Variants in LRRK2 observed in about 807,000 individuals in gnomAD.
LRRK2 encodes the protein leucine rich repeat kinase 2.
Under a neutral mutation model 302.6 loss-of-function variants are expected in LRRK2, and 203 were observed. That is an observed-to-expected ratio of 0.67 (90% CI 0.60 to 0.75). The LOEUF is 0.75. LRRK2 is among the 30% of genes least tolerant of loss of function. The probability of loss-of-function intolerance (pLI) is 0.00; values close to 1 mark genes in which losing one functional copy is unlikely to be tolerated. For synonymous variants in LRRK2, 1,066 were observed against 1,031.9 expected (o/e 1.03, Z -0.63); for missense variants, 2,830 against 2,951.0 (o/e 0.96, Z 0.95).
At chr12:40,329,783 A>T (rs1350746079) in intron 39 of LRRK2, among the ~76,000 whole-genome samples, 1 of 152,198 alleles carries the variant, frequency 6.6e-6, no homozygotes, top group African/African-American at 2.4e-5. Context: ...TAGGTTGACC[A>T]GGCTGGTCTG....
chr12:40,241,776 G>A (rs1941731399), intron 6 of LRRK2, among the ~76,000 whole-genome samples: 1 of 152,170 alleles, frequency 6.6e-6, no homozygotes, highest in Non-Finnish European at 1.5e-5. Flanking sequence ...GTGAGCCTTC[G>A]GTGTAGGCAG....
intron 14 of LRRK2, among the ~76,000 whole-genome samples, chr12:40,265,631 A>G (rs1288691821): frequency 6.6e-6 from 1 of 152,200 alleles, no homozygotes; most frequent in Non-Finnish European, 1.5e-5. Flanking sequence ...CGCATGTCTC[A>G]TAAGTATCTG....
At chr12:40,304,368 A>T (rs1218338732) in intron 27 of LRRK2, 1 of 579,548 alleles carries the variant, frequency 1.7e-6, no homozygotes, top group African/African-American at 1.9e-5. Context: ...CAATTTAAAA[A>T]AATCTACTTT....
chr12:40,247,326 G>A (rs1349114946), intron 7 of LRRK2, among the ~76,000 whole-genome samples: 3 of 151,466 alleles, frequency 2.0e-5, no homozygotes, highest in African/African-American at 7.2e-5. Flanking sequence ...ATTGAATGTT[G>A]TTATATGACT....
intron 4 of LRRK2, among the ~76,000 whole-genome samples, chr12:40,237,637 CTG>C (rs1333679262): frequency 6.6e-6 from 1 of 152,076 alleles, no homozygotes; most frequent in Admixed American, 6.6e-5. Flanking sequence ...TTTGGGGTAA[CTG>C]TGGAATATTC....
chr12:40,259,368 T>G (rs1323449171), intron 12 of LRRK2, 112 bp from the exon 13 acceptor site: 21 of 1,331,486 alleles, frequency 1.6e-5, no homozygotes, highest in East Asian at 2.3e-5. Context: ...TTTCATATAG[T>G]CTTTCCTGAT....
intron 7 of LRRK2, among the ~76,000 whole-genome samples, chr12:40,244,647 C>A (rs187195937): frequency 4.8e-5 from 7 of 145,964 alleles, no homozygotes; most frequent in Non-Finnish European, 1.0e-4. Context: ...AAAACCGATT[C>A]ATAGATTCTG....
chr12:40,246,432 CTT>C (rs978445584), intron 7 of LRRK2, among the ~76,000 whole-genome samples: 5 of 151,960 alleles, frequency 3.3e-5, no homozygotes, highest in African/African-American at 1.2e-4. Context: ...TTGGCAGCCT[CTT>C]GTTTTTTCTT....
chr12:40,336,511 T>C (rs1326809767), intron 40 of LRRK2, among the ~76,000 whole-genome samples: 1 of 152,194 alleles, frequency 6.6e-6, no homozygotes, highest in Non-Finnish European at 1.5e-5. Flanking sequence ...TCAGAATTAC[T>C]GTGTTGACAG....
chr12:40,289,774 C>G (rs1412562492), intron 20 of LRRK2, among the ~76,000 whole-genome samples: 3 of 151,728 alleles, frequency 2.0e-5, no homozygotes, highest in Non-Finnish European at 4.4e-5. Flanking sequence ...TTTATTTGTA[C>G]ATGAATTTTG....
intron 39 of LRRK2, among the ~76,000 whole-genome samples, chr12:40,333,280 T>C (rs1945770083): frequency 6.6e-6 from 1 of 152,142 alleles, no homozygotes; most frequent in African/African-American, 2.4e-5. Context: ...TCTCAGGGTG[T>C]TCAGCCTTTC....
At chr12:40,315,611 T>A (rs721709) in intron 33 of LRRK2, among the ~76,000 whole-genome samples, 105,972 of 151,798 alleles carry the variant, frequency 0.7, 37,320 homozygotes, top group African/African-American at 0.77. Context: ...AATTGAATGA[T>A]GGCTTTGTGG....
At position 40,274,848 on chromosome 12, in the gene LRRK2, T is replaced by A; in HGVS notation, c.1802-6T>A. The A allele has an allele frequency of 1.2e-6, 2 of 1,610,012 alleles. No individual in the cohort carries two copies. The highest frequency in any genetic ancestry group is 8.5e-7 in the Non-Finnish European group (1 of 1,176,664). ...TTAAAACAATTCTTTTTTTTTATTT[T>A]CCTAGAAATTCAGTGTCTGGGTTTA... is the stretch of plus-strand genomic sequence containing the variant. On this transcript the variant is annotated splice_region_variant and splice_polypyrimidine_tract_variant and intron_variant, in intron 15 of 50. Coordinates refer to ENST00000298910, the MANE Select transcript of LRRK2 (RefSeq NM_198578.4).
intron 33 of LRRK2, among the ~76,000 whole-genome samples, chr12:40,317,106 T>C (rs1183184564): frequency 6.6e-6 from 1 of 152,098 alleles, no homozygotes; most frequent in Admixed American, 6.6e-5. Flanking sequence ...ATAAAATTCC[T>C]GAAGATTCTG....
intron 35 of LRRK2, among the ~76,000 whole-genome samples, chr12:40,321,568 C>CTCCAAAGGGA (rs1945403261): frequency 6.6e-6 from 1 of 151,964 alleles, no homozygotes. Flanking sequence ...TAAATAGAGA[C>CTCCAAAGGGA]ATTTTGGTAC....
chr12:40,314,595 C>T (rs2136851604), intron 32 of LRRK2, among the ~76,000 whole-genome samples: 1 of 152,102 alleles, frequency 6.6e-6, no homozygotes, highest in East Asian at 1.9e-4. Flanking sequence ...GAGTCAATGG[C>T]TCCCTGAGAT....
At chr12:40,300,407 C>T (rs968034046) in intron 25 of LRRK2, among the ~76,000 whole-genome samples, 3 of 152,168 alleles carry the variant, frequency 2.0e-5, no homozygotes, top group Admixed American at 2.0e-4. Context: ...TATCTTCCTT[C>T]ATAGAGAATA....
chr12:40,307,952 T>C (rs1304462887), intron 28 of LRRK2, among the ~76,000 whole-genome samples: 2 of 151,990 alleles, frequency 1.3e-5, no homozygotes, highest in African/African-American at 4.8e-5. Context: ...CGGCTACTTT[T>C]TGGATTTTTA....
chr12:40,293,753 T>C (rs1944255377), intron 21 of LRRK2, 90 bp downstream of exon 21: 2 of 850,512 alleles, frequency 2.4e-6, no homozygotes, highest in Admixed American at 3.5e-5. Flanking sequence ...TAGGAACAAT[T>C]GGTAGGGATT....
Sources: allele counts gnomAD v4.1 joint callset (sites outside exome capture counted in the v4.1 genomes callset), GRCh38; gene constraint gnomAD v4.1.1; transcripts MANE v1.5; gene names NCBI Gene and HGNC (gene_info 2026-07-23, HGNC 2026-07-21).